The following NAV2 variants were observed in gnomAD, a reference collection of about 807,000 sequenced individuals.
NAV2 encodes the protein helicase, APC down-regulated 1.
A neutral mutation model predicts 223.2 loss-of-function variants in NAV2; 54 were observed. That is an observed-to-expected ratio of 0.24 (90% CI 0.19 to 0.30). The LOEUF (loss-of-function observed/expected upper bound fraction) is 0.30, where lower values mean the gene tolerates loss of function less well. Ranked by LOEUF, NAV2 falls within the 10% of genes least tolerant of loss-of-function variation. The pLI is 1.00. For missense variants in NAV2, 2,806 were observed against 3,147.5 expected (o/e 0.89, Z 2.60); for synonymous variants, 1,279 against 1,239.3 (o/e 1.03, Z -0.67).
chr11:19,727,947 C>G (rs1450176711), intron 1 of NAV2, among the ~76,000 whole-genome samples: 1 of 152,198 alleles, frequency 6.6e-6, no homozygotes, highest in African/African-American at 2.4e-5. Context: ...TTGTCCAGCT[C>G]TCCTAGCTTT....
At chr11:19,706,240 G>T (rs958726000) in intron 1 of NAV2, among the ~76,000 whole-genome samples, 2 of 152,126 alleles carry the variant, frequency 1.3e-5, no homozygotes, top group African/African-American at 4.8e-5. Context: ...ATTGAATACA[G>T]GCTTTCCTCT....
At chr11:20,051,428 C>A in intron 17 of NAV2, 95 bp downstream of exon 17, 2 of 1,176,602 alleles carry the variant, frequency 1.7e-6, no homozygotes, top group Non-Finnish European at 2.6e-6. Flanking sequence ...TTGGGCTGGG[C>A]TGGGGTCCCC....
chr11:19,989,738 G>C (rs1318082247), intron 11 of NAV2, among the ~76,000 whole-genome samples: 2 of 152,060 alleles, frequency 1.3e-5, no homozygotes, highest in African/African-American at 2.4e-5. Context: ...ATGTTATCCT[G>C]GTTTCATAGA....
At chr11:20,013,849 G>T (rs1162220838) in intron 11 of NAV2, among the ~76,000 whole-genome samples, 1 of 152,166 alleles carries the variant, frequency 6.6e-6, no homozygotes, top group Non-Finnish European at 1.5e-5. Context: ...TACTTGGAAG[G>T]TTCTTAGTGG....
chr11:19,397,418 T>TGTGTGTGC lies in NAV2; in HGVS notation c.75+46392_75+46393insTGTGTGCG, dbSNP rs57566081. Among the ~76,000 whole-genome samples the TGTGTGTGC allele has an allele frequency of 7.9e-3, 1,144 of 145,324 alleles. 23 individuals carry two copies. Among genetic ancestry groups the TGTGTGTGC allele is most frequent in the African/African-American group, 0.028 (1,078 of 38,614 alleles). ...GGGAGTGTGTGTGTGTGTGTGTGTG[T>TGTGTGTGC]GCGCGCATGTGTGTGTAGGGAATAC... On this transcript the variant is annotated intron_variant, in intron 1 of 37. Transcript: ENST00000360655.
chr11:19,948,819 G>C lies in NAV2; in HGVS notation c.2384G>C (p.Gly795Ala). 1.9e-6 allele frequency: 3 copies of C among 1,613,962 alleles called. No homozygotes were observed. The highest frequency in any genetic ancestry group is 2.5e-6 in the Non-Finnish European group (3 of 1,180,000). ...CAGTCCAGCCCTCGGCTCCAAGCAG[G>C]AGACGCCCCCTCAATGGGCAATGGG... ...LGQSSPRLQA[G>A]DAPSMGNGYP... Residue 795 changes from glycine to alanine, a missense_variant, in exon 10 of 38, where the codon GGA (glycine) becomes GCA (alanine). Gly to Ala is a moderately conservative substitution (Grantham distance 60, BLOSUM62 0). Transcript: ENST00000349880.
chr11:20,027,388 A>G, intron 11 of NAV2: 2 of 982,666 alleles, frequency 2.0e-6, no homozygotes, highest in South Asian at 9.5e-5. Flanking sequence ...AACTGAATGC[A>G]GCTGTCTGGC....
chr11:19,911,370 C>G (rs898456089), intron 6 of NAV2, among the ~76,000 whole-genome samples: 1 of 152,154 alleles, frequency 6.6e-6, no homozygotes, highest in Non-Finnish European at 1.5e-5. Context: ...CTAGACAGAA[C>G]AGCGTGTCCA....
chr11:19,778,661 C>G (rs1270233845), intron 1 of NAV2, among the ~76,000 whole-genome samples: 6 of 152,170 alleles, frequency 3.9e-5, no homozygotes, highest in Non-Finnish European at 8.8e-5. Flanking sequence ...TTTCATACTT[C>G]TTGTGTTATG....
intron 10 of NAV2, among the ~76,000 whole-genome samples, chr11:19,964,947 G>A (rs1026515339): frequency 1.3e-5 from 2 of 149,918 alleles, no homozygotes; most frequent in African/African-American, 4.9e-5. Context: ...AGCCTCCTGA[G>A]TAGCTGGGAT....
chr11:19,589,520 G>A (rs566528485), intron 1 of NAV2, among the ~76,000 whole-genome samples: 1 of 152,208 alleles, frequency 6.6e-6, no homozygotes, highest in Non-Finnish European at 1.5e-5. Context: ...GGCTGACAAA[G>A]CGGGAAAGGG....
intron 1 of NAV2, among the ~76,000 whole-genome samples, chr11:19,808,243 T>C (rs7933416): frequency 0.47 from 70,930 of 151,948 alleles, 19,457 homozygotes; most frequent in Middle Eastern, 0.63. Flanking sequence ...TCTTTAAAAC[T>C]TCATTCACTG....
At chr11:19,775,205 C>T (rs766046842) in intron 1 of NAV2, among the ~76,000 whole-genome samples, 8 of 152,106 alleles carry the variant, frequency 5.3e-5, no homozygotes, top group East Asian at 1.9e-4. Context: ...TATTTTAATA[C>T]AGAATATGCT....
At chr11:19,415,469 A>G (rs1374449765) in intron 1 of NAV2, among the ~76,000 whole-genome samples, 4 of 152,222 alleles carry the variant, frequency 2.6e-5, no homozygotes, top group Non-Finnish European at 5.9e-5. Flanking sequence ...ACCAACTAAA[A>G]AAAGCCCAGG....
intron 12 of NAV2, among the ~76,000 whole-genome samples, chr11:20,039,458 G>A (rs903137899): frequency 6.7e-5 from 10 of 148,522 alleles, no homozygotes; most frequent in East Asian, 5.9e-4. Flanking sequence ...CCTTCCCTTC[G>A]TCCCTTCCCA....
intron 1 of NAV2, among the ~76,000 whole-genome samples, chr11:19,632,467 A>G (rs754115778): frequency 9.2e-5 from 14 of 151,946 alleles, no homozygotes; most frequent in Non-Finnish European, 1.8e-4. Context: ...ACAATTGCAG[A>G]CTGTCTTTGA....
chr11:19,937,797 A>C (rs1466115137), intron 7 of NAV2, among the ~76,000 whole-genome samples: 1 of 152,198 alleles, frequency 6.6e-6, no homozygotes, highest in Non-Finnish European at 1.5e-5. Flanking sequence ...ACTTGAACTA[A>C]CCTTTGCCTC....
chr11:20,102,761 C>G (rs1428216085), intron 32 of NAV2, among the ~76,000 whole-genome samples: 4 of 152,146 alleles, frequency 2.6e-5, no homozygotes, highest in African/African-American at 9.7e-5. Flanking sequence ...CCTGTTGAGC[C>G]AATGCCCCAC....
intron 1 of NAV2, among the ~76,000 whole-genome samples, chr11:19,499,015 T>C (rs989807091): frequency 1.3e-5 from 2 of 152,226 alleles, no homozygotes; most frequent in Non-Finnish European, 2.9e-5. Context: ...AAGTCCACGG[T>C]CAACATCTGT....
Sources: allele counts gnomAD v4.1 joint callset (sites outside exome capture counted in the v4.1 genomes callset), GRCh38; gene constraint gnomAD v4.1.1; transcripts MANE v1.5; gene names NCBI Gene and HGNC (gene_info 2026-07-23, HGNC 2026-07-21).